CPM: variants seen among roughly 807,000 people sequenced by gnomAD.
CPM encodes renal carboxypeptidase.
Under a neutral mutation model 46.4 loss-of-function variants are expected in CPM, and 35 were observed. That is an observed-to-expected ratio of 0.75 (90% CI 0.58 to 1.00). The LOEUF is 1.00. Ranked by LOEUF, CPM falls within the 50% of genes least tolerant of loss-of-function variation. The pLI, the probability that CPM is intolerant of heterozygous loss-of-function variation, is 0.00. For missense variants in CPM, 422 were observed against 530.4 expected (o/e 0.80, Z 2.01); for synonymous variants, 195 against 195.3 (o/e 1.00, Z 0.01).
In CPM at chr12:68,875,803, C is replaced by CAAAA. The variant is rs34998099; in HGVS notation, c.259-3851_259-3848dup. Among the ~76,000 whole-genome samples, 452 of 110,246 alleles carry CAAAA rather than the reference C, an allele frequency of 4.1e-3. 1 individual carries two copies. Among genetic ancestry groups the CAAAA allele is most frequent in the Non-Finnish European group, 7.4e-3 (369 of 49,924 alleles). The allele number at this position is 110,246 out of a possible 152,430, so 72.3% of individuals were successfully genotyped here. On this transcript the variant is annotated intron_variant, in intron 3 of 8. Coordinates refer to ENST00000551568, the MANE Select transcript of CPM (RefSeq NM_198320.5). ...CCTGGGCAACAGCGAGACTCTGTCT[C>CAAAA]AAAAAAAAAAAAAAAAGAAAGACAA...
chr12:68,932,370 T>C, intron 2 of CPM, among the ~76,000 whole-genome samples: 1 of 152,164 alleles, frequency 6.6e-6, no homozygotes, highest in South Asian at 2.1e-4. Flanking sequence ...GAGTTTATCT[T>C]GAAAAGGAAC....
intron 3 of CPM, among the ~76,000 whole-genome samples, chr12:68,874,074 G>T (rs1412394797): frequency 6.6e-6 from 1 of 152,026 alleles, no homozygotes; most frequent in Non-Finnish European, 1.5e-5. Context: ...CCAAAGTGCC[G>T]GGATTACTGT....
chr12:68,952,100 G>A (rs1404322032), intron 1 of CPM, among the ~76,000 whole-genome samples: 1 of 152,200 alleles, frequency 6.6e-6, no homozygotes, highest in Non-Finnish European at 1.5e-5. Context: ...ATATCCAAGT[G>A]ATAATAAGGG....
intron 1 of CPM, among the ~76,000 whole-genome samples, chr12:68,952,875 A>G (rs1292008959): frequency 6.6e-6 from 1 of 152,172 alleles, no homozygotes; most frequent in Non-Finnish European, 1.5e-5. Context: ...TTTGTGGCCA[A>G]CCATGTATCC....
intron 1 of CPM, among the ~76,000 whole-genome samples, chr12:68,938,893 GTACA>G (rs200696043): frequency 0.016 from 2,352 of 147,452 alleles, 58 homozygotes; most frequent in African/African-American, 0.055. Context: ...ATTTATATAT[GTACA>G]TACATATATA....
intron 4 of CPM, among the ~76,000 whole-genome samples, chr12:68,870,893 T>G (rs992673410): frequency 6.6e-6 from 1 of 152,184 alleles, no homozygotes; most frequent in African/African-American, 2.4e-5. Flanking sequence ...TTTGGGGTGG[T>G]TCGTTAAGTA....
chr12:68,898,400 G>C (rs554599166), intron 2 of CPM, among the ~76,000 whole-genome samples: 4 of 152,230 alleles, frequency 2.6e-5, no homozygotes, highest in African/African-American at 9.6e-5. Context: ...CCTACTTCCT[G>C]AGTTTTACCC....
intron 2 of CPM, 134 bp from the exon 3 acceptor site, chr12:68,886,023 G>A (rs921001343): frequency 1.5e-6 from 1 of 650,352 alleles, no homozygotes; most frequent in Non-Finnish European, 2.6e-6. Context: ...AAGTTTGTAT[G>A]ACTAACATCT....
intron 2 of CPM, among the ~76,000 whole-genome samples, chr12:68,920,703 T>C (rs1888001928): frequency 6.7e-6 from 1 of 149,554 alleles, no homozygotes; most frequent in Non-Finnish European, 1.5e-5. Context: ...CTTTTTCTTT[T>C]TTTTTTTTAG....
chr12:68,950,271 A>G (rs538447584), intron 1 of CPM, among the ~76,000 whole-genome samples: 1 of 152,346 alleles, frequency 6.6e-6, no homozygotes, highest in Admixed American at 6.5e-5. Context: ...GTATATCTTC[A>G]TTCGCCCAAT....
At chr12:68,900,022 AT>A (rs1887049717) in intron 2 of CPM, among the ~76,000 whole-genome samples, 1 of 152,134 alleles carries the variant, frequency 6.6e-6, no homozygotes, top group South Asian at 2.1e-4. Flanking sequence ...CTATTTTTGT[AT>A]TTTTTTCTAT....
chr12:68,869,579 C>T lies in CPM; in HGVS notation c.617-84G>A, dbSNP rs560232293. 4.0e-5 allele frequency: 49 copies of T among 1,214,668 alleles called. No individual in the cohort carries two copies. In the South Asian group the frequency reaches 6.3e-4, roughly 16 times the overall value. The allele number at this position is 1,214,668 out of a possible 1,614,324, so 75.2% of individuals were successfully genotyped here. Reference sequence around the variant, plus strand: ...AACACCATATTAGCAAAGACATAATCGCATCACACACACATGCTCTAATTT... The same window carrying T: ...AACACCATATTAGCAAAGACATAATTGCATCACACACACATGCTCTAATTT... On this transcript the variant is annotated intron_variant, in intron 5 of 8. Coordinates refer to ENST00000551568, the MANE Select transcript of CPM (RefSeq NM_198320.5).
chr12:68,861,473 C>A (rs751589628), intron 7 of CPM, among the ~76,000 whole-genome samples: 1 of 151,806 alleles, frequency 6.6e-6, no homozygotes, highest in Non-Finnish European at 1.5e-5. Flanking sequence ...CCAACCAAAT[C>A]GAAGAAAATC....
chr12:68,961,423 G>A lies in CPM; in HGVS notation c.-4+1746C>T, dbSNP rs185445860. ...GGTCTCCCAGAGTGCTGGGATTACA[G>A]ATGCAAGACACAGTGCCCAGCCTAA... On this transcript the variant is annotated intron_variant, in intron 1 of 8. Coordinates refer to the CPM transcript ENST00000546373. Among the ~76,000 whole-genome samples, 427 of 152,146 alleles carry A rather than the reference G, an allele frequency of 2.8e-3. 13 individuals carry two copies. The highest frequency in any genetic ancestry group is 0.025 in the Admixed American group (379 of 15,272).
At chr12:68,884,522 C>T (rs892901349) in intron 3 of CPM, among the ~76,000 whole-genome samples, 1 of 152,176 alleles carries the variant, frequency 6.6e-6, no homozygotes, top group African/African-American at 2.4e-5. Flanking sequence ...GAACAGGAAG[C>T]TCAGCACTGA....
chr12:68,871,909 G>C lies in CPM; in HGVS notation c.306C>G (p.Thr102=). 1 of 1,614,140 alleles carries C rather than the reference G, an allele frequency of 6.2e-7. No homozygotes were observed. The highest frequency in any genetic ancestry group is 8.5e-7 in the Non-Finnish European group (1 of 1,180,034). The change falls in exon 4 of 9, where the codon ACC becomes ACG. Residue 102 remains threonine (T), a synonymous_variant. Coordinates refer to ENST00000551568, the MANE Select transcript of CPM (RefSeq NM_198320.5). ...LLLHLIDYLV[T]SDGKDPEITN... ...TGATTTCAGGGTCTTTGCCATCACT[G>C]GTTACGAGATAGTCAATCAGATGGA...
At chr12:68,925,306 T>C (rs897955125) in intron 2 of CPM, among the ~76,000 whole-genome samples, 1 of 152,182 alleles carries the variant, frequency 6.6e-6, no homozygotes, top group Non-Finnish European at 1.5e-5. Flanking sequence ...ATAATAATAA[T>C]AGCAGCTTTT....
In CPM at chr12:68,856,343, C is replaced by A; in HGVS notation, c.*94G>T. 7.3e-7 allele frequency: 1 copy of A among 1,375,674 alleles called. No homozygotes were observed. The highest frequency in any genetic ancestry group is 1.0e-6 in the Non-Finnish European group (1 of 1,004,352). The allele number at this position is 1,375,674 out of a possible 1,614,324, so 85.2% of individuals were successfully genotyped here. A position where few individuals can be genotyped will look rare whatever the true frequency, so the allele number is the denominator to read the frequency against. ...AGGAAGATCGTGGAGTTTCTCCAGT[C>A]AAGGTCCCACTAGAGTGAGTTAGGG... On this transcript the variant is annotated 3_prime_UTR_variant, in exon 9 of 9. Coordinates refer to ENST00000551568, the MANE Select transcript of CPM (RefSeq NM_198320.5).
intron 2 of CPM, among the ~76,000 whole-genome samples, chr12:68,889,086 G>C (rs1886548635): frequency 6.6e-6 from 1 of 152,170 alleles, no homozygotes; most frequent in Admixed American, 6.5e-5. Context: ...AAACTCTTGG[G>C]GTAAAGCGTG....
Sources: gnomAD v4.1 joint callset for allele counts (sites outside exome capture counted in the v4.1 genomes callset) on GRCh38, gnomAD v4.1.1 for gene constraint, MANE v1.5 for transcripts, NCBI Gene and HGNC (gene_info 2026-07-23, HGNC 2026-07-21) for gene names.